ACCSL: variants seen among roughly 807,000 people sequenced by gnomAD.
ACCSL encodes the protein probable inactive 1-aminocyclopropane-1-carboxylate synthase-like protein 2.
In ACCSL, 55 loss-of-function variants were observed where a neutral mutation model predicts 61.7. The observed-to-expected ratio is 0.89, with a 90% CI of 0.72 to 1.12. The LOEUF is 1.12. Among genes scored for constraint, ACCSL ranks in the 50% most tolerant of loss-of-function variants. The pLI, the probability that ACCSL is intolerant of heterozygous loss-of-function variation, is 0.00. For synonymous variants in ACCSL, 258 were observed against 264.3 expected (o/e 0.98, Z 0.23); for missense variants, 632 against 698.0 (o/e 0.91, Z 1.07).
At chr11:43,965,152 C>G in the ACCSL span, among the ~76,000 whole-genome samples, 1 of 152,164 alleles carries the variant, frequency 6.6e-6, no homozygotes, top group Non-Finnish European at 1.5e-5. Context: ...GTAAAACTGT[C>G]TCTGTTCACA....
At chr11:43,934,636 G>T in the ACCSL span, among the ~76,000 whole-genome samples, 2 of 152,192 alleles carry the variant, frequency 1.3e-5, no homozygotes, top group African/African-American at 4.8e-5. Context: ...TGAGGCGGGG[G>T]ATGGCCAGTT....
the ACCSL span, among the ~76,000 whole-genome samples, chr11:43,922,922 A>C: frequency 6.6e-6 from 1 of 152,208 alleles, no homozygotes. Context: ...TGGAACACAC[A>C]CTTAGCACCA....
the ACCSL span, among the ~76,000 whole-genome samples, chr11:43,941,133 G>T: frequency 6.6e-6 from 1 of 152,184 alleles, no homozygotes; most frequent in South Asian, 2.1e-4. Context: ...TAAGCACTTA[G>T]CATGTTATTA....
the ACCSL span, among the ~76,000 whole-genome samples, chr11:44,023,347 C>G: frequency 6.6e-6 from 1 of 152,098 alleles, no homozygotes; most frequent in African/African-American, 2.4e-5. Flanking sequence ...GCCACCACAC[C>G]CGACCTAGAT....
the ACCSL span, among the ~76,000 whole-genome samples, chr11:44,036,471 G>C: frequency 6.6e-6 from 1 of 152,120 alleles, no homozygotes; most frequent in Non-Finnish European, 1.5e-5. Context: ...TGGAACCCAG[G>C]GCCCAGTATT....
chr11:43,937,152 C>T, the ACCSL span, among the ~76,000 whole-genome samples: 1 of 152,076 alleles, frequency 6.6e-6, no homozygotes, highest in African/African-American at 2.4e-5. Flanking sequence ...TGTCAGGAGC[C>T]GTGGAAGCAG....
chr11:44,001,787 G>A, the ACCSL span, among the ~76,000 whole-genome samples: 1 of 82,392 alleles, frequency 1.2e-5, no homozygotes, highest in Non-Finnish European at 2.8e-5. Context: ...GTGTGTGTGT[G>A]TGTGTGTGTG....
At chr11:44,033,063 T>A in the ACCSL span, among the ~76,000 whole-genome samples, 1 of 152,142 alleles carries the variant, frequency 6.6e-6, no homozygotes, top group African/African-American at 2.4e-5. Flanking sequence ...CAACAAAAGT[T>A]AATAATGAAA....
At chr11:44,002,493 C>T in the ACCSL span, among the ~76,000 whole-genome samples, 41 of 152,280 alleles carry the variant, frequency 2.7e-4, no homozygotes, top group African/African-American at 9.4e-4. Context: ...GTTTTTAAGT[C>T]GTCTTGACAC....
chr11:44,022,411 T>C, the ACCSL span, among the ~76,000 whole-genome samples: 2 of 152,188 alleles, frequency 1.3e-5, no homozygotes, highest in African/African-American at 2.4e-5. Context: ...TTTGATTCTC[T>C]GCTTGATTGC....
chr11:43,964,391 C>G, the ACCSL span, among the ~76,000 whole-genome samples: 2 of 150,012 alleles, frequency 1.3e-5, no homozygotes, highest in East Asian at 3.9e-4. Flanking sequence ...GAGCCCAGAT[C>G]ACGCCACTGT....
the ACCSL span, among the ~76,000 whole-genome samples, chr11:44,014,817 G>C: frequency 6.6e-6 from 1 of 152,220 alleles, no homozygotes; most frequent in Non-Finnish European, 1.5e-5. Context: ...GCACCGTGGA[G>C]AGACACCTGG....
chr11:44,001,775 CTGTGTGTGTGTGTGTGTGTGTGTG>C, the ACCSL span, among the ~76,000 whole-genome samples: 10 of 96,836 alleles, frequency 1.0e-4, no homozygotes, highest in South Asian at 8.3e-4. Flanking sequence ...GGTAAAGGGG[CTGTGTGTGTGTGTGTGTGTGTGTG>C]TGTGTGTGTG....
chr11:43,996,738 G>A, the ACCSL span, among the ~76,000 whole-genome samples: 1 of 151,932 alleles, frequency 6.6e-6, no homozygotes, highest in Non-Finnish European at 1.5e-5. Context: ...TCTCTTCCTT[G>A]GAGACTCAGC....
At chr11:44,002,179 T>C in the ACCSL span, among the ~76,000 whole-genome samples, 1 of 152,002 alleles carries the variant, frequency 6.6e-6, no homozygotes, top group Non-Finnish European at 1.5e-5. Context: ...CTGTGTTACG[T>C]GGCCCCAGAC....
the ACCSL span, among the ~76,000 whole-genome samples, chr11:44,027,368 A>G: frequency 6.6e-6 from 1 of 152,196 alleles, no homozygotes; most frequent in Non-Finnish European, 1.5e-5. Flanking sequence ...GGAGCTTTTC[A>G]TAGCCGCCTA....
Position 44,055,229 on chromosome 11 carries a change from G to T in ACCSL, c.1077G>T (p.Glu359Asp), listed in dbSNP as rs573135717. Residue 359 changes from glutamate to aspartate, a missense_variant, in exon 9 of 14, where the codon GAG becomes GAT. Glu to Asp is a conservative substitution (Grantham distance 45, BLOSUM62 2). Transcript: ENST00000378832. ...KRYNLHVIIDEIYMLSVFDES... is the reference protein window; with the variant it reads ...KRYNLHVIIDDIYMLSVFDES... ...ATAACCTACATGTGATCATAGATGAGATTTACATGCTGTCTGTGTTTGATG... is the reference window on the plus strand; with the variant it reads ...ATAACCTACATGTGATCATAGATGATATTTACATGCTGTCTGTGTTTGATG... 6.2e-7 allele frequency: 1 copy of T among 1,612,286 alleles called. No individual in the cohort carries two copies. The highest frequency in any genetic ancestry group is 2.2e-5 in the East Asian group (1 of 44,848).
the ACCSL span, among the ~76,000 whole-genome samples, chr11:43,982,491 G>C: frequency 2.0e-5 from 3 of 151,968 alleles, no homozygotes; most frequent in Non-Finnish European, 2.9e-5. Flanking sequence ...GCCTCCCAAA[G>C]TGGCAAGGCC....
chr11:43,967,855 G>A, the ACCSL span, among the ~76,000 whole-genome samples: 2 of 152,308 alleles, frequency 1.3e-5, no homozygotes, highest in South Asian at 2.1e-4. Flanking sequence ...GAGATCTGCT[G>A]CCACTGGGTA....
Sources: gnomAD v4.1 joint callset for allele counts (sites outside exome capture counted in the v4.1 genomes callset) on GRCh38, gnomAD v4.1.1 for gene constraint, MANE v1.5 for transcripts, NCBI Gene and HGNC (gene_info 2026-07-23, HGNC 2026-07-21) for gene names.